The following DLC1 variants were observed in gnomAD, a reference collection of about 807,000 sequenced individuals.
DLC1 encodes the protein rho GTPase-activating protein 7.
A neutral mutation model predicts 140.3 loss-of-function variants in DLC1; 54 were observed. That is an observed-to-expected ratio of 0.38 (90% CI 0.31 to 0.48). DLC1 has a LOEUF of 0.48. DLC1 is among the 20% of genes least tolerant of loss of function. The probability of loss-of-function intolerance (pLI) is 0.96; values close to 1 mark genes in which losing one functional copy is unlikely to be tolerated. For missense variants in DLC1, 2,536 were observed against 1,907.0 expected, an observed-to-expected ratio of 1.33 and a Z score of -6.14; for synonymous variants, 986 against 728.1, an observed-to-expected ratio of 1.35 and a Z score of -5.70.
intron 2 of DLC1, among the ~76,000 whole-genome samples, chr8:13,406,049 C>A (rs947851557): frequency 5.5e-5 from 8 of 146,764 alleles, no homozygotes; most frequent in African/African-American, 2.0e-4. Flanking sequence ...CTCTGTCTCC[C>A]AGGCTGGAGT....
In DLC1 at chr8:13,491,719, C is replaced by T. The variant is rs747270305; in HGVS notation, c.1023+7330G>A. Among the ~76,000 whole-genome samples the T allele has an allele frequency of 4.0e-4, 61 of 152,238 alleles. 1 individual carries two copies. In the Middle Eastern group the frequency reaches 0.014, roughly 34 times the overall value. On this transcript the variant is annotated intron_variant, in intron 2 of 17. Transcript: ENST00000276297. ...TCCAGATTTTACATGATTCCCTTGT[C>T]CCTCTTCTTCCCTCATGTCCTGATT...
chr8:13,159,006 C>G (rs1824484760), intron 5 of DLC1, among the ~76,000 whole-genome samples: 1 of 152,088 alleles, frequency 6.6e-6, no homozygotes, highest in Non-Finnish European at 1.5e-5. Flanking sequence ...ATACAAACAG[C>G]TGCAGAATGT....
Position 13,539,750 on chromosome 8 carries a change from ATGTG to A in DLC1, c.-125-39558_-125-39555del, listed in dbSNP as rs71207162. The stretch of plus-strand genomic sequence containing the variant: ...ATGAGGCATTAAGAAATGTGTGTGT[ATGTG>A]TGTGTGTGTGTGTGTGTGTGTGTAC... On this transcript the variant is annotated intron_variant, in intron 1 of 1. Coordinates refer to the DLC1 transcript ENST00000631382. Among the ~76,000 whole-genome samples the A allele has an allele frequency of 2.0e-3, 294 of 147,236 alleles. 1 individual carries two copies. The East Asian group carries it at 0.022, about 11-fold the overall frequency.
chr8:13,120,129 G>C (rs1285014751), intron 5 of DLC1, among the ~76,000 whole-genome samples: 3 of 151,312 alleles, frequency 2.0e-5, no homozygotes, highest in Non-Finnish European at 4.4e-5. Flanking sequence ...GATCATCTGA[G>C]CTCAGGAGTT....
At chr8:13,587,568 C>CACAG (rs1297735026) in intron 1 of DLC1, among the ~76,000 whole-genome samples, 1 of 144,372 alleles carries the variant, frequency 6.9e-6, no homozygotes, top group African/African-American at 2.5e-5. Flanking sequence ...CACACACACA[C>CACAG]AGAGAGAGAG....
intron 4 of DLC1, among the ~76,000 whole-genome samples, chr8:13,318,657 T>C (rs1021953580): frequency 6.6e-6 from 1 of 152,220 alleles, no homozygotes; most frequent in Non-Finnish European, 1.5e-5. Context: ...ACAAAACACC[T>C]AGTTGGAACA....
chr8:13,376,544 T>G (rs1465281443), intron 4 of DLC1, among the ~76,000 whole-genome samples: 8 of 152,000 alleles, frequency 5.3e-5, no homozygotes, highest in Non-Finnish European at 4.4e-5. Context: ...ATGGTTAGAG[T>G]AGAACGTGTG....
rs74982961 is a variant in DLC1 at position 13,194,303 on chromosome 8, A to T, written c.1349-78646T>A. ...CTTATGCCAATAGCTATGTGGAACGATTCAACATCAGCCTCGGAAACTTCC... is the reference window on the plus strand; with the variant it reads ...CTTATGCCAATAGCTATGTGGAACGTTTCAACATCAGCCTCGGAAACTTCC... On this transcript the variant is annotated intron_variant, in intron 5 of 17. Transcript: ENST00000276297. Among the ~76,000 whole-genome samples, 261 of 152,376 alleles carry T rather than the reference A, an allele frequency of 1.7e-3. 6 individuals are homozygous for T. The East Asian group carries it at 0.044, about 26-fold the overall frequency.
chr8:13,094,157 A>T (rs560093155), intron 12 of DLC1, among the ~76,000 whole-genome samples: 1 of 152,324 alleles, frequency 6.6e-6, no homozygotes, highest in East Asian at 1.9e-4. Context: ...TCTTTATCTG[A>T]CCAGCTCAGA....
Position 13,522,698 on chromosome 8 carries a change from T to G in DLC1, c.-125-22502A>C, listed in dbSNP as rs370791016. Among the ~76,000 whole-genome samples the G allele has an allele frequency of 3.7e-3, 569 of 152,028 alleles. 1 individual carries two copies. The highest frequency in any genetic ancestry group is 0.013 in the African/African-American group (520 of 41,514). On this transcript the variant is annotated intron_variant, in intron 1 of 1. Coordinates refer to the DLC1 transcript ENST00000631382. ...AAGTAAATTATGTAGTATTATGTAG[T>G]ATATGGACAATTGCTAGTGAAAACA... is the stretch of plus-strand genomic sequence containing the variant.
chr8:13,553,888 T>A (rs961867287), intron 1 of DLC1, among the ~76,000 whole-genome samples: 1 of 152,066 alleles, frequency 6.6e-6, no homozygotes, highest in Non-Finnish European at 1.5e-5. Flanking sequence ...AACACTTCCT[T>A]CTCCTCAAAA....
chr8:13,473,389 C>T (rs886430611), intron 2 of DLC1, among the ~76,000 whole-genome samples: 3 of 152,116 alleles, frequency 2.0e-5, no homozygotes, highest in African/African-American at 7.2e-5. Context: ...ACGGGGGTTT[C>T]CCTGCACAGG....
At chr8:13,216,832 T>C (rs1828225174) in intron 5 of DLC1, among the ~76,000 whole-genome samples, 1 of 152,088 alleles carries the variant, frequency 6.6e-6, no homozygotes, top group Non-Finnish European at 1.5e-5. Context: ...TCTCTAGACA[T>C]TGCCAAATGT....
chr8:13,567,886 C>T (rs1240927434), intron 1 of DLC1: 4 of 1,552,008 alleles, frequency 2.6e-6, no homozygotes, highest in Middle Eastern at 1.7e-4. Context: ...ACCATTTTCT[C>T]TGCCATTTCT....
rs1378513610 is a variant in DLC1 at position 13,133,339 on chromosome 8, G to T, written c.1349-17682C>A. 3.8e-6 allele frequency: 4 copies of T among 1,052,884 alleles called. No individual in the cohort carries two copies. In the South Asian group the frequency reaches 7.4e-5, roughly 19 times the overall value. 65.2% of individuals were successfully genotyped at this position (1,052,884 alleles called of 1,614,324 possible). Reference sequence around the variant, plus strand: ...GGCCCTCCCGCTGGGCCCACCCCCCGAGGGGCGGGGCCAGAGCGGGCGGCA... The same window carrying T: ...GGCCCTCCCGCTGGGCCCACCCCCCTAGGGGCGGGGCCAGAGCGGGCGGCA... On this transcript the variant is annotated intron_variant, in intron 5 of 17. Transcript: ENST00000276297.
chr8:13,276,275 GTC>G (rs1831159030), intron 5 of DLC1: 2 of 1,535,312 alleles, frequency 1.3e-6, no homozygotes, highest in African/African-American at 2.7e-5. Context: ...CCAGCCGTCT[GTC>G]TCTAGTGTTT....
intron 5 of DLC1, among the ~76,000 whole-genome samples, chr8:13,130,233 A>C (rs1585718434): frequency 6.6e-6 from 1 of 152,282 alleles, no homozygotes; most frequent in South Asian, 2.1e-4. Context: ...ATTTGAAACC[A>C]CCTCTTGGAA....
At chr8:13,398,828 G>T (rs289574) in intron 3 of DLC1, among the ~76,000 whole-genome samples, 130,325 of 152,074 alleles carry the variant, frequency 0.86, 55,920 homozygotes, top group East Asian at 0.98. Context: ...ACACATCTTT[G>T]ATTGATGTTG....
At chr8:13,178,598 G>C (rs1425069845) in intron 5 of DLC1, among the ~76,000 whole-genome samples, 5 of 148,060 alleles carry the variant, frequency 3.4e-5, no homozygotes, top group African/African-American at 7.4e-5. Context: ...AAAGATTACT[G>C]TTCTATATTA....
Sources: allele counts gnomAD v4.1 joint callset (sites outside exome capture counted in the v4.1 genomes callset), GRCh38; gene constraint gnomAD v4.1.1; transcripts MANE v1.5; gene names NCBI Gene and HGNC (gene_info 2026-07-23, HGNC 2026-07-21).